The following CDH13 variants were observed in gnomAD, a reference collection of about 807,000 sequenced individuals.
CDH13 encodes the protein cadherin-13.
A neutral mutation model predicts 63.8 loss-of-function variants in CDH13; 24 were observed. The ratio of observed to expected loss-of-function variants is 0.38; its 90% CI spans 0.27 to 0.53. The LOEUF (loss-of-function observed/expected upper bound fraction) is 0.53, where lower values mean the gene tolerates loss of function less well. Among genes scored for constraint, CDH13 ranks in the 20% least tolerant of loss-of-function variants. The probability of loss-of-function intolerance (pLI) is 0.85; values close to 1 mark genes in which losing one functional copy is unlikely to be tolerated. For synonymous variants in CDH13, 503 were observed against 355.3 expected (o/e 1.42, Z -4.67); for missense variants, 1,049 against 903.1 (o/e 1.16, Z -2.07).
At chr16:82,726,407 C>G (rs1221144339) in intron 1 of CDH13, among the ~76,000 whole-genome samples, 1 of 152,188 alleles carries the variant, frequency 6.6e-6, no homozygotes, top group African/African-American at 2.4e-5. Flanking sequence ...GCTGGAATTT[C>G]ATATAATTTT....
chr16:83,486,802 A>G lies in CDH13; in HGVS notation c.960+147A>G, dbSNP rs187923150. The G allele has an allele frequency of 2.4e-5, 17 of 710,380 alleles. No homozygotes were observed. The Admixed American group carries it at 3.0e-4, about 13-fold the overall frequency. 44.0% of individuals were successfully genotyped at this position (710,380 alleles called of 1,614,324 possible). A position where few individuals can be genotyped will look rare whatever the true frequency, so the allele number is the denominator to read the frequency against. On this transcript the variant is annotated intron_variant, in intron 7 of 13. Coordinates refer to ENST00000567109, the MANE Select transcript of CDH13 (RefSeq NM_001257.5). Reference sequence around the variant, plus strand: ...TACCATGTTTTGGTGGGGAAAATCTATAAAGGGAAATGGGATATTATGTGA... The same window carrying G: ...TACCATGTTTTGGTGGGGAAAATCTGTAAAGGGAAATGGGATATTATGTGA...
chr16:82,912,587 T>G (rs1318688670), intron 2 of CDH13, among the ~76,000 whole-genome samples: 2 of 152,240 alleles, frequency 1.3e-5, no homozygotes, highest in South Asian at 2.1e-4. Flanking sequence ...TAGTTGGTTC[T>G]GCTCCATTGA....
intron 3 of CDH13, among the ~76,000 whole-genome samples, chr16:83,103,027 AC>A (rs1480717882): frequency 1.6e-5 from 2 of 126,376 alleles, no homozygotes; most frequent in African/African-American, 6.2e-5. Flanking sequence ...ATCTCAGCTC[AC>A]TGCAGCCTCT....
At chr16:83,054,236 C>T (rs182589902) in intron 3 of CDH13, among the ~76,000 whole-genome samples, 204 of 152,296 alleles carry the variant, frequency 1.3e-3, no homozygotes, top group African/African-American at 4.4e-3. Context: ...TAACGCATGA[C>T]TATAGTATGC....
At chr16:83,715,249 G>A (rs960996529) in intron 10 of CDH13, among the ~76,000 whole-genome samples, 4 of 152,142 alleles carry the variant, frequency 2.6e-5, no homozygotes, top group African/African-American at 9.7e-5. Context: ...TATGGCCAAC[G>A]CAAAGTCTAT....
chr16:82,751,673 C>T (rs538109487), intron 1 of CDH13, among the ~76,000 whole-genome samples: 1 of 144,518 alleles, frequency 6.9e-6, no homozygotes, highest in Non-Finnish European at 1.5e-5. Context: ...AACACCATGA[C>T]AGATTGAGAG....
chr16:83,433,299 A>G (rs778734264), intron 6 of CDH13, among the ~76,000 whole-genome samples: 3 of 152,192 alleles, frequency 2.0e-5, no homozygotes, highest in Non-Finnish European at 2.9e-5. Flanking sequence ...CAACTGTAAA[A>G]TGAGGGAAAT....
intron 4 of CDH13, among the ~76,000 whole-genome samples, chr16:83,189,516 C>G (rs2038630644): frequency 1.3e-5 from 2 of 152,168 alleles, no homozygotes; most frequent in South Asian, 4.1e-4. Context: ...GTGACAGATA[C>G]ACGTTCACAT....
At chr16:83,530,384 A>G (rs141498887) in intron 7 of CDH13, among the ~76,000 whole-genome samples, 1 of 152,164 alleles carries the variant, frequency 6.6e-6, no homozygotes, top group Non-Finnish European at 1.5e-5. Context: ...ACACATTCAG[A>G]TGGCATTTCC....
intron 7 of CDH13, among the ~76,000 whole-genome samples, chr16:83,557,173 G>T (rs2075621726): frequency 6.6e-6 from 1 of 152,192 alleles, no homozygotes; most frequent in Admixed American, 6.5e-5. Flanking sequence ...GATCTAGGTT[G>T]TACGCTAGTT....
chr16:83,151,885 C>T lies in CDH13; in HGVS notation c.483+26384C>T, dbSNP rs1479755071. ...GCTGAGGCAGGAGAATCACTTGAAC[C>T]TGGAAGGTGGAGGTTGCAGTGAGCC... is the stretch of plus-strand genomic sequence containing the variant. On this transcript the variant is annotated intron_variant, in intron 4 of 13. Transcript: ENST00000567109. 2.6e-5 allele frequency among the ~76,000 whole-genome samples: 4 copies of T among 151,876 alleles called. No individual in the cohort carries two copies. In the East Asian group the frequency reaches 5.8e-4, roughly 22 times the overall value.
intron 7 of CDH13, among the ~76,000 whole-genome samples, chr16:83,507,684 C>A (rs2074434357): frequency 6.6e-6 from 1 of 152,128 alleles, no homozygotes; most frequent in Non-Finnish European, 1.5e-5. Flanking sequence ...GCTCAGACAT[C>A]CTTGGTTTTA....
At chr16:83,031,953 C>T in intron 2 of CDH13, 57 bp from the exon 3 acceptor site, 1 of 1,354,078 alleles carries the variant, frequency 7.4e-7, no homozygotes, top group Non-Finnish European at 1.0e-6. Flanking sequence ...AGAGATATCT[C>T]AGAGATAAGC....
chr16:83,092,192 C>T (rs2033945837), intron 3 of CDH13, among the ~76,000 whole-genome samples: 1 of 152,164 alleles, frequency 6.6e-6, no homozygotes, highest in Non-Finnish European at 1.5e-5. Flanking sequence ...CAGAAAATTT[C>T]AAAGAACTTA....
At chr16:83,128,255 A>G (rs964602235) in intron 4 of CDH13, among the ~76,000 whole-genome samples, 8 of 152,132 alleles carry the variant, frequency 5.3e-5, no homozygotes, top group African/African-American at 1.7e-4. Flanking sequence ...GCCGAGGTGG[A>G]GGACTGCCGG....
chr16:83,077,973 T>C (rs1427030416), intron 3 of CDH13, among the ~76,000 whole-genome samples: 2 of 145,822 alleles, frequency 1.4e-5, no homozygotes, highest in Non-Finnish European at 2.9e-5. Flanking sequence ...TTATTGACCA[T>C]TCTGTTCTGT....
intron 1 of CDH13, among the ~76,000 whole-genome samples, chr16:82,703,305 C>A (rs1045880971): frequency 2.0e-5 from 3 of 152,128 alleles, no homozygotes; most frequent in Non-Finnish European, 4.4e-5. Flanking sequence ...TTCCGTCCCC[C>A]CACCATTCCT....
At chr16:82,669,950 C>T (rs3844416) in intron 1 of CDH13, among the ~76,000 whole-genome samples, 117,480 of 152,192 alleles carry the variant, frequency 0.77, 45,538 homozygotes, top group East Asian at 0.94. Flanking sequence ...TTCTTGCAGC[C>T]TGTACATTTT....
intron 6 of CDH13, among the ~76,000 whole-genome samples, chr16:83,353,141 T>C (rs2090989781): frequency 6.6e-6 from 1 of 152,236 alleles, no homozygotes; most frequent in South Asian, 2.1e-4. Context: ...ACTCAGGTGA[T>C]AGTTACACTA....
Sources: gnomAD v4.1 joint callset for allele counts (sites outside exome capture counted in the v4.1 genomes callset) on GRCh38, gnomAD v4.1.1 for gene constraint, MANE v1.5 for transcripts, NCBI Gene and HGNC (gene_info 2026-07-23, HGNC 2026-07-21) for gene names.